PHKB: variants seen among roughly 807,000 people sequenced by gnomAD.
The protein encoded by PHKB is phosphorylase kinase regulatory subunit beta.
In PHKB, 122 loss-of-function variants were observed where a neutral mutation model predicts 152.1. The observed-to-expected ratio is 0.80, with a 90% CI of 0.69 to 0.93. The LOEUF (loss-of-function observed/expected upper bound fraction) is 0.93, where lower values mean the gene tolerates loss of function less well. Ranked by LOEUF, PHKB falls within the 40% of genes least tolerant of loss-of-function variation. The pLI, the probability that PHKB is intolerant of heterozygous loss-of-function variation, is 0.00. For synonymous variants in PHKB, 436 were observed against 464.9 expected (o/e 0.94, Z 0.80); for missense variants, 1,304 against 1,328.4 (o/e 0.98, Z 0.29).
At chr16:47,575,294 G>A (rs1318130686) in intron 7 of PHKB, among the ~76,000 whole-genome samples, 1 of 152,136 alleles carries the variant, frequency 6.6e-6, no homozygotes, top group Admixed American at 6.5e-5. Context: ...CAGTATGGAG[G>A]TTTCTCGAAT....
At chr16:47,575,405 T>A (rs1164228039) in intron 7 of PHKB, among the ~76,000 whole-genome samples, 1 of 152,234 alleles carries the variant, frequency 6.6e-6, no homozygotes, top group Non-Finnish European at 1.5e-5. Context: ...TGTACTCATA[T>A]GTTTATCGCA....
At chr16:47,565,638 G>T in intron 7 of PHKB, 2 of 1,130,796 alleles carry the variant, frequency 1.8e-6, no homozygotes, top group Non-Finnish European at 1.3e-6. Flanking sequence ...CCCGGTCTGT[G>T]ATGACTCACT....
intron 8 of PHKB, among the ~76,000 whole-genome samples, chr16:47,586,102 A>G (rs1486878244): frequency 2.0e-5 from 3 of 152,156 alleles, no homozygotes; most frequent in Admixed American, 6.5e-5. Flanking sequence ...CACCTTCTCT[A>G]TGAAGTGCCC....
chr16:47,693,404 A>T lies in PHKB; in HGVS notation c.2792A>T (p.Asp931Val). 6.2e-7 allele frequency: 1 copy of T among 1,614,026 alleles called. No homozygotes were observed. ...TGTTGGCTGAACAGGCGTCAGATCG[A>T]TGGGTCTTTGAATAGAACTCCCACC... ...GRCWLNRRQI[D>V]GSLNRTPTGF... Residue 931 changes from aspartate to valine, a missense_variant, in exon 28 of 31, where the codon GAT (aspartate) becomes GTT (valine). Coordinates refer to ENST00000323584, the MANE Select transcript of PHKB (RefSeq NM_000293.3).
At chr16:47,475,953 G>C (rs537825937) in intron 1 of PHKB, among the ~76,000 whole-genome samples, 106 of 152,248 alleles carry the variant, frequency 7.0e-4, no homozygotes, top group East Asian at 5.0e-3. Context: ...TTGCAGCCTT[G>C]AACTTCTGGG....
At chr16:47,631,200 A>G (rs776642310) in intron 14 of PHKB, among the ~76,000 whole-genome samples, 2 of 152,042 alleles carry the variant, frequency 1.3e-5, no homozygotes, top group Non-Finnish European at 2.9e-5. Context: ...GCAGCACATA[A>G]TCTGTGAAAT....
chr16:47,660,990 A>G (rs960817875), intron 22 of PHKB, among the ~76,000 whole-genome samples, 171 bp downstream of exon 22: 1 of 152,198 alleles, frequency 6.6e-6, no homozygotes, highest in Non-Finnish European at 1.5e-5. Context: ...TTGGTCTAAC[A>G]TCTGCATGGA....
intron 14 of PHKB, among the ~76,000 whole-genome samples, chr16:47,618,307 T>C (rs1972556205): frequency 6.6e-6 from 1 of 152,236 alleles, no homozygotes; most frequent in Non-Finnish European, 1.5e-5. Context: ...ATTTTAAATC[T>C]GTAACTGGTC....
intron 4 of PHKB, among the ~76,000 whole-genome samples, chr16:47,510,972 C>T (rs935610162): frequency 3.3e-5 from 5 of 152,082 alleles, no homozygotes; most frequent in African/African-American, 1.2e-4. Context: ...AAATGTTTGC[C>T]ATGTTGAATT....
At chr16:47,615,383 G>T (rs145330054) in intron 14 of PHKB, among the ~76,000 whole-genome samples, 1 of 152,272 alleles carries the variant, frequency 6.6e-6, no homozygotes, top group Non-Finnish European at 1.5e-5. Context: ...GCCCATCAGC[G>T]CTGTGGTTGT....
At chr16:47,666,167 C>A in intron 25 of PHKB, 1 of 717,962 alleles carries the variant, frequency 1.4e-6, no homozygotes, top group Non-Finnish European at 2.5e-6. Context: ...CAGGCACTTT[C>A]TATCAAAGTC....
chr16:47,481,163 G>C (rs973208539), intron 1 of PHKB, among the ~76,000 whole-genome samples: 2 of 152,072 alleles, frequency 1.3e-5, no homozygotes. Context: ...GCTTTAGTTA[G>C]GCATGACGGT....
At position 47,537,722 on chromosome 16, in the gene PHKB, G is replaced by T. The variant is rs533048295; in HGVS notation, c.595-9711G>T. 1.2e-4 allele frequency among the ~76,000 whole-genome samples: 19 copies of T among 152,288 alleles called. No individual in the cohort carries two copies. The South Asian group carries it at 3.9e-3, about 32-fold the overall frequency. ...ATGGGGAAAAAAGCAGAATTGAAAA[G>T]TGCTTCTTGGTGGAAGGGTTTAGAA... On this transcript the variant is annotated intron_variant, in intron 6 of 30. Transcript: ENST00000323584.
intron 13 of PHKB, among the ~76,000 whole-genome samples, chr16:47,608,020 TA>T (rs762663641): frequency 3.6e-4 from 55 of 152,230 alleles, no homozygotes; most frequent in South Asian, 8.3e-4. Context: ...GGCTATTTTT[TA>T]ATGGGTTTTT....
rs561190961 is a variant in PHKB at position 47,648,605 on chromosome 16, G to C, written c.1681G>C (p.Gly561Arg). Residue 561 changes from glycine (G) to arginine (R), a missense_variant, in exon 17 of 31, where the codon GGG (glycine) becomes CGG (arginine). Gly to Arg is a moderately radical substitution (Grantham distance 125, BLOSUM62 -2). Coordinates refer to ENST00000323584, the MANE Select transcript of PHKB (RefSeq NM_000293.3). ...GCCAGACAGGCCCATTGGCTGCCTC[G>C]GGACATCAAAGGTACTCATGAAATG... ...GRPDRPIGCL[G>R]TSKIYRILGK... 1.2e-6 allele frequency: 2 copies of C among 1,610,344 alleles called. No individual in the cohort carries two copies. The highest frequency in any genetic ancestry group is 1.1e-5 in the South Asian group (1 of 90,988).
chr16:47,598,890 G>T, intron 13 of PHKB: 1 of 1,602,546 alleles, frequency 6.2e-7, no homozygotes, highest in Admixed American at 1.7e-5. Flanking sequence ...CATTTTTAGG[G>T]ATTTCCTCAA....
intron 26 of PHKB, among the ~76,000 whole-genome samples, chr16:47,680,390 A>G (rs1055407749): frequency 2.0e-5 from 3 of 152,162 alleles, no homozygotes; most frequent in Non-Finnish European, 2.9e-5. Context: ...CTGTGAATCC[A>G]TCTGGTCCTG....
chr16:47,618,807 C>T (rs1403981229), intron 14 of PHKB, among the ~76,000 whole-genome samples: 2 of 152,130 alleles, frequency 1.3e-5, no homozygotes, highest in Admixed American at 6.5e-5. Flanking sequence ...TCCCGGAAAA[C>T]AAGTCATGTG....
At chr16:47,583,059 A>G (rs1162690835) in intron 8 of PHKB, among the ~76,000 whole-genome samples, 1 of 152,144 alleles carries the variant, frequency 6.6e-6, no homozygotes, top group Non-Finnish European at 1.5e-5. Context: ...GGCCTCCCAA[A>G]GTGCTGGGAT....
Sources: allele counts gnomAD v4.1 joint callset (sites outside exome capture counted in the v4.1 genomes callset), GRCh38; gene constraint gnomAD v4.1.1; transcripts MANE v1.5; gene names NCBI Gene and HGNC (gene_info 2026-07-23, HGNC 2026-07-21).